ALG8: variants seen among roughly 807,000 people sequenced by gnomAD.
The protein encoded by ALG8 is dolichyl pyrophosphate Glc1Man9GlcNAc2 alpha-1,3-glucosyltransferase.
A neutral mutation model predicts 70.2 loss-of-function variants in ALG8; 48 were observed. The ratio of observed to expected loss-of-function variants is 0.68; its 90% CI spans 0.54 to 0.87. The LOEUF is 0.87. Ranked by LOEUF, ALG8 falls within the 40% of genes least tolerant of loss-of-function variation. The pLI is 0.00. For missense variants in ALG8, 572 were observed against 608.7 expected (o/e 0.94, Z 0.64); for synonymous variants, 234 against 229.0 (o/e 1.02, Z -0.20).
chr11:78,109,399 C>A (rs1565347210), intron 9 of ALG8, 43 bp downstream of exon 9: 4 of 1,613,208 alleles, frequency 2.5e-6, no homozygotes, highest in Non-Finnish European at 3.4e-6. Context: ...AAAAGAAAAG[C>A]AGAGAAAACT....
At chr11:78,133,205 T>C (rs1412304775) in intron 1 of ALG8, among the ~76,000 whole-genome samples, 1 of 152,228 alleles carries the variant, frequency 6.6e-6, no homozygotes, top group African/African-American at 2.4e-5. Context: ...TTTCTTGTAC[T>C]GTTATACTTA....
chr11:78,133,009 G>T (rs949092300), intron 1 of ALG8, among the ~76,000 whole-genome samples: 2 of 151,726 alleles, frequency 1.3e-5, no homozygotes, highest in African/African-American at 4.8e-5. Context: ...GCTAATTTTT[G>T]TATTTTCAGT....
At chr11:78,123,972 T>C (rs897797005) in intron 3 of ALG8, 49 bp downstream of exon 3, 3 of 1,593,146 alleles carry the variant, frequency 1.9e-6, no homozygotes, top group African/African-American at 1.3e-5. Context: ...CTTAACACTG[T>C]ACTATTTTTT....
At chr11:78,139,417 A>G in intron 1 of ALG8, 77 bp downstream of exon 1, 1 of 1,364,112 alleles carries the variant, frequency 7.3e-7, no homozygotes, top group Non-Finnish European at 1.0e-6. Flanking sequence ...ATACCCAGGG[A>G]TATCCACACC....
chr11:78,107,075 G>T lies in ALG8; in HGVS notation c.1039-129C>A, dbSNP rs751309151. ...ATCTTAGACAATTCTTCATGAAACC[G>T]AATCATTCATCACTTTGTGCACAGT... On this transcript the variant is annotated intron_variant, in intron 9 of 12. Transcript: ENST00000299626. 1.6e-5 allele frequency: 18 copies of T among 1,155,532 alleles called. 1 individual carries two copies. Among genetic ancestry groups the T allele is most frequent in the Non-Finnish European group, 2.1e-5 (17 of 808,670 alleles). 71.6% of individuals were successfully genotyped at this position (1,155,532 alleles called of 1,614,324 possible).
chr11:78,124,226 A>G lies in ALG8; in HGVS notation c.175-12T>C, dbSNP rs762561017. 2 of 1,612,854 alleles carry G rather than the reference A, an allele frequency of 1.2e-6. No homozygotes were observed. The highest frequency in any genetic ancestry group is 1.7e-6 in the Non-Finnish European group (2 of 1,178,824). ...CACTCTGAAGTTGCCTGTGATAAAA[A>G]TAGAAGATCAGACATATCCTAAATA... On this transcript the variant is annotated splice_polypyrimidine_tract_variant and intron_variant, in intron 2 of 12. Transcript: ENST00000299626.
chr11:78,105,813 A>C (rs781489871), intron 10 of ALG8, among the ~76,000 whole-genome samples: 2 of 151,600 alleles, frequency 1.3e-5, no homozygotes, highest in Non-Finnish European at 2.9e-5. Flanking sequence ...GGTTCAAAGG[A>C]TCTTCATGCC....
At chr11:78,105,221 G>C (rs114677058) in intron 10 of ALG8, among the ~76,000 whole-genome samples, 2,023 of 152,234 alleles carry the variant, frequency 0.013, 51 homozygotes, top group African/African-American at 0.045. Context: ...ACCCAGACAA[G>C]CCACATACTG....
At chr11:78,103,713 C>T (rs747192271) in intron 12 of ALG8, among the ~76,000 whole-genome samples, 9 of 152,158 alleles carry the variant, frequency 5.9e-5, no homozygotes, top group Non-Finnish European at 1.3e-4. Flanking sequence ...ATTCATAAAG[C>T]ATATTTTACA....
intron 1 of ALG8, among the ~76,000 whole-genome samples, chr11:78,127,792 T>C (rs605850): frequency 0.21 from 32,224 of 150,106 alleles, 4,254 homozygotes; most frequent in African/African-American, 0.38. Context: ...TCACTGCAAC[T>C]GCCGCCCCCC....
In ALG8 at chr11:78,113,718, AAAAC is replaced by A. The variant is rs200682684; in HGVS notation, c.777+164_777+167del. 0.54 allele frequency among the ~76,000 whole-genome samples: 62,072 copies of A among 115,612 alleles called. 13,821 individuals carry two copies. Among genetic ancestry groups the A allele is most frequent in the African/African-American group, 0.61 (16,344 of 26,686 alleles). 75.8% of individuals were successfully genotyped at this position (115,612 alleles called of 152,430 possible). On this transcript the variant is annotated intron_variant, in intron 7 of 12. Coordinates refer to ENST00000299626, the MANE Select transcript of ALG8 (RefSeq NM_024079.5). ...ACACAGTGAGACTCCATCTTAAACAAAAACAAAAAAAAAAAAGGAATACTGCCCT... is the reference window on the plus strand; with the variant it reads ...ACACAGTGAGACTCCATCTTAAACAAAAAAAAAAAAAAGGAATACTGCCCT...
intron 8 of ALG8, 125 bp downstream of exon 8, chr11:78,112,525 C>G: frequency 1.4e-6 from 2 of 1,442,880 alleles, no homozygotes; most frequent in Non-Finnish European, 1.9e-6. Flanking sequence ...ATCCTGAAAG[C>G]TGAAATGCAG....
chr11:78,110,674 G>A (rs2136894862), intron 8 of ALG8, among the ~76,000 whole-genome samples: 1 of 152,246 alleles, frequency 6.6e-6, no homozygotes, highest in South Asian at 2.1e-4. Flanking sequence ...GACAATACAA[G>A]CCCCAACAAG....
At chr11:78,139,415 G>T (rs906238905) in intron 1 of ALG8, 79 bp downstream of exon 1, 96 of 1,349,230 alleles carry the variant, frequency 7.1e-5, no homozygotes, top group Admixed American at 9.9e-5. Flanking sequence ...TCATACCCAG[G>T]GATATCCACA....
chr11:78,116,098 G>T (rs867541219), intron 5 of ALG8, among the ~76,000 whole-genome samples: 3 of 152,190 alleles, frequency 2.0e-5, no homozygotes, highest in Non-Finnish European at 4.4e-5. Flanking sequence ...GGTGGCTCAT[G>T]CCTATAATCC....
intron 1 of ALG8, among the ~76,000 whole-genome samples, chr11:78,132,128 T>A (rs182555170): frequency 6.6e-6 from 1 of 152,306 alleles, no homozygotes; most frequent in Non-Finnish European, 1.5e-5. Flanking sequence ...ATTTCACCAG[T>A]GGCGTAGAGA....
intron 1 of ALG8, among the ~76,000 whole-genome samples, chr11:78,134,722 G>A (rs763389219): frequency 3.9e-5 from 6 of 152,204 alleles, no homozygotes; most frequent in Non-Finnish European, 5.9e-5. Flanking sequence ...TCATCCATGA[G>A]AAGTAACTCC....
chr11:78,136,122 A>C (rs576724820), intron 1 of ALG8, among the ~76,000 whole-genome samples: 4 of 152,064 alleles, frequency 2.6e-5, no homozygotes, highest in Non-Finnish European at 5.9e-5. Context: ...GTGAGCTGAG[A>C]TCATACCAGT....
intron 10 of ALG8, 24 bp from the exon 11 acceptor site, chr11:78,104,477 A>C: frequency 6.5e-7 from 1 of 1,547,870 alleles, no homozygotes; most frequent in Middle Eastern, 1.7e-4. Flanking sequence ...TAATTTCTTA[A>C]AACAACAACT....
Sources: gnomAD v4.1 joint callset for allele counts (sites outside exome capture counted in the v4.1 genomes callset) on GRCh38, gnomAD v4.1.1 for gene constraint, MANE v1.5 for transcripts, NCBI Gene and HGNC (gene_info 2026-07-23, HGNC 2026-07-21) for gene names.